The following MBTD1 variants were observed in gnomAD, a reference collection of about 807,000 sequenced individuals.
MBTD1 encodes the protein mbt domain containing 1.
A neutral mutation model predicts 87.8 loss-of-function variants in MBTD1; 24 were observed. The ratio of observed to expected loss-of-function variants is 0.27; its 90% CI spans 0.20 to 0.38. The LOEUF (loss-of-function observed/expected upper bound fraction) is 0.38. Ranked by LOEUF, MBTD1 falls within the 10% of genes least tolerant of loss-of-function variation. The pLI, the probability that MBTD1 is intolerant of heterozygous loss-of-function variation, is 1.00. For missense variants in MBTD1, 436 were observed against 760.2 expected, an observed-to-expected ratio of 0.57 and a Z score of 5.02; for synonymous variants, 237 against 248.6, an observed-to-expected ratio of 0.95 and a Z score of 0.44.
intron 2 of MBTD1, chr17:51,249,755 C>T (rs1236183686): frequency 2.6e-5 from 4 of 152,116 alleles, no homozygotes; most frequent in African/African-American, 9.7e-5. Context: ...CTTCGTCACG[C>T]TTACCTTTAT....
chr17:51,227,525 C>T (rs1194120622), intron 2 of MBTD1, among the ~76,000 whole-genome samples: 1 of 152,018 alleles, frequency 6.6e-6, no homozygotes, highest in Non-Finnish European at 1.5e-5. Context: ...CGTGCCCCTG[C>T]ACTTCAGCTT....
At chr17:51,225,720 C>T (rs1165838588) in intron 2 of MBTD1, among the ~76,000 whole-genome samples, 1 of 151,890 alleles carries the variant, frequency 6.6e-6, no homozygotes, top group East Asian at 2.0e-4. Context: ...GTGTGCCTCG[C>T]CCAGATTTCT....
At chr17:51,186,729 G>A (rs968597695) in intron 16 of MBTD1, among the ~76,000 whole-genome samples, 17 of 145,950 alleles carry the variant, frequency 1.2e-4, no homozygotes, top group African/African-American at 3.9e-4. Flanking sequence ...AGCCGAGATC[G>A]TGCCACTGCA....
chr17:51,246,588 AC>A lies in MBTD1; in HGVS notation c.-49+12554del, dbSNP rs1855016395. Among the ~76,000 whole-genome samples, 3 of 152,300 alleles carry A rather than the reference AC, an allele frequency of 2.0e-5. No individual in the cohort carries two copies. In the South Asian group the frequency reaches 6.2e-4, roughly 32 times the overall value. ...GATTTTTCTAAGGCTTTCCAGATAAACAATCACGTCACTAACAAACAATCTT... is the reference window on the plus strand; with the variant it reads ...GATTTTTCTAAGGCTTTCCAGATAAAAATCACGTCACTAACAAACAATCTT... On this transcript the variant is annotated intron_variant, in intron 2 of 16. Coordinates refer to ENST00000586178, the MANE Select transcript of MBTD1 (RefSeq NM_017643.3).
chr17:51,246,563 G>A (rs1377455007), intron 2 of MBTD1, among the ~76,000 whole-genome samples: 1 of 152,166 alleles, frequency 6.6e-6, no homozygotes, highest in Non-Finnish European at 1.5e-5. Flanking sequence ...TTTTGTCACT[G>A]ATTTTTCTAA....
At position 51,211,518 on chromosome 17, in the gene MBTD1, A is replaced by AG. The variant is rs1220328122; in HGVS notation, c.487-4514_487-4513insC. ...GTGAGACTGTTTAAAAAAAAAAAAA[A>AG]AAAGACAAGACAGGTGATGTTTATT... On this transcript the variant is annotated intron_variant, in intron 6 of 16. Transcript: ENST00000586178. Among the ~76,000 whole-genome samples, 30 of 151,444 alleles carry AG rather than the reference A, an allele frequency of 2.0e-4. No individual in the cohort carries two copies. In the East Asian group the frequency reaches 4.7e-3, roughly 24 times the overall value.
rs1364292316 is a variant in MBTD1, at chr17:51,220,393, G to A, written c.225C>T (p.Ser75=). 5.8e-6 allele frequency: 9 copies of A among 1,550,230 alleles called. No individual in the cohort carries two copies. Among genetic ancestry groups the A allele is most frequent in the African/African-American group, 1.4e-5 (1 of 73,156 alleles). The change falls in exon 4 of 17, where the codon AGC becomes AGT. Residue 75 remains serine (S), a synonymous_variant. Transcript: ENST00000586178. ...AFYSKTKRFC[S]VSCSRSYSSN... is the part of the protein sequence containing the mutation. Reference sequence around the variant, plus strand: ...ACGAGTAACTTCTTGAACATGAAACGCTACAGAAACGCTTTGTTTTAGAGT... The same window carrying A: ...ACGAGTAACTTCTTGAACATGAAACACTACAGAAACGCTTTGTTTTAGAGT...
At chr17:51,194,454 C>T (rs529683438) in intron 13 of MBTD1, among the ~76,000 whole-genome samples, 10 of 149,976 alleles carry the variant, frequency 6.7e-5, no homozygotes, top group Admixed American at 3.4e-4. Flanking sequence ...CCTGTAATTC[C>T]AGCTACTTGG....
At chr17:51,247,525 C>T (rs1260010007) in intron 2 of MBTD1, among the ~76,000 whole-genome samples, 1 of 150,226 alleles carries the variant, frequency 6.7e-6, no homozygotes, top group Non-Finnish European at 1.5e-5. Flanking sequence ...TGGCTCCCTG[C>T]AGCCTCAACA....
chr17:51,208,858 T>C (rs1040643186), intron 6 of MBTD1, among the ~76,000 whole-genome samples: 3 of 152,196 alleles, frequency 2.0e-5, no homozygotes, highest in African/African-American at 4.8e-5. Flanking sequence ...GAAAACAAAA[T>C]GTCAATATGC....
chr17:51,226,124 C>T (rs1004328230), intron 2 of MBTD1, among the ~76,000 whole-genome samples: 2 of 149,698 alleles, frequency 1.3e-5, no homozygotes, highest in Admixed American at 1.3e-4. Flanking sequence ...TAGCTTGAGC[C>T]CAGGAGTTTG....
chr17:51,205,892 G>A (rs946038372), intron 7 of MBTD1, among the ~76,000 whole-genome samples: 6 of 152,092 alleles, frequency 3.9e-5, no homozygotes, highest in African/African-American at 7.2e-5. Flanking sequence ...GGAGAATGCC[G>A]GAAATAAAAC....
chr17:51,228,430 A>G (rs1443625078), intron 2 of MBTD1, among the ~76,000 whole-genome samples: 19 of 151,340 alleles, frequency 1.3e-4, no homozygotes, highest in Admixed American at 1.2e-3. Context: ...AAGAAGTTAT[A>G]TCATCTTTAG....
At chr17:51,247,583 G>T (rs1381413566) in intron 2 of MBTD1, among the ~76,000 whole-genome samples, 1 of 151,842 alleles carries the variant, frequency 6.6e-6, no homozygotes, top group African/African-American at 2.4e-5. Flanking sequence ...CAAGTAGCTG[G>T]GACTATAGGC....
intron 2 of MBTD1, among the ~76,000 whole-genome samples, chr17:51,247,568 C>A (rs1302592880): frequency 6.6e-6 from 1 of 151,902 alleles, no homozygotes; most frequent in Non-Finnish European, 1.5e-5. Flanking sequence ...CCCACCCCAG[C>A]CTCCCAAGTA....
chr17:51,181,363 A>C (rs1004966478), intron 16 of MBTD1, among the ~76,000 whole-genome samples: 3 of 152,174 alleles, frequency 2.0e-5, no homozygotes, highest in Non-Finnish European at 4.4e-5. Flanking sequence ...TCTGAAGAAA[A>C]AGATATAAAT....
intron 2 of MBTD1, among the ~76,000 whole-genome samples, chr17:51,226,167 C>T (rs2053204085): frequency 6.7e-6 from 1 of 150,354 alleles, no homozygotes; most frequent in Non-Finnish European, 1.5e-5. Flanking sequence ...GAGACTCCCA[C>T]TCTACCAAAA....
intron 7 of MBTD1, among the ~76,000 whole-genome samples, chr17:51,205,743 A>G (rs2051785183): frequency 6.6e-6 from 1 of 152,240 alleles, no homozygotes; most frequent in South Asian, 2.1e-4. Flanking sequence ...ATCAATAGTC[A>G]TAAATGCTGG....
chr17:51,194,820 G>GC (rs890707766), intron 13 of MBTD1, among the ~76,000 whole-genome samples: 2 of 111,946 alleles, frequency 1.8e-5, no homozygotes, highest in African/African-American at 7.2e-5. Context: ...GGGCCCAGGA[G>GC]TTGAAGTTAC....
Sources: allele counts gnomAD v4.1 joint callset (sites outside exome capture counted in the v4.1 genomes callset), GRCh38; gene constraint gnomAD v4.1.1; transcripts MANE v1.5; gene names NCBI Gene and HGNC (gene_info 2026-07-23, HGNC 2026-07-21).